VPS33A: variants seen among roughly 807,000 people sequenced by gnomAD.
VPS33A encodes the protein VPS33A core subunit of CORVET and HOPS complexes.
In VPS33A, 32 loss-of-function variants were observed where a neutral mutation model predicts 71.8. The observed-to-expected ratio is 0.45, with a 90% CI of 0.34 to 0.60. The LOEUF (loss-of-function observed/expected upper bound fraction) is 0.60. VPS33A is among the 20% of genes least tolerant of loss of function. The probability of loss-of-function intolerance (pLI) is 0.02; values close to 1 mark genes in which losing one functional copy is unlikely to be tolerated. For missense variants in VPS33A, 625 were observed against 748.5 expected (o/e 0.84, Z 1.92); for synonymous variants, 311 against 292.7 (o/e 1.06, Z -0.64).
At chr12:122,233,847 TG>T (rs1954596635) in intron 11 of VPS33A, among the ~76,000 whole-genome samples, 1 of 151,958 alleles carries the variant, frequency 6.6e-6, no homozygotes. Flanking sequence ...TGTTAAGTGG[TG>T]GGTGGGTCCA....
chr12:122,264,013 G>T, intron 2 of VPS33A, 121 bp downstream of exon 2: 1 of 853,908 alleles, frequency 1.2e-6, no homozygotes, highest in Non-Finnish European at 1.8e-6. Flanking sequence ...ACTAGTATTA[G>T]TGTTTATAAA....
At chr12:122,259,220 T>C (rs1377462330) in intron 4 of VPS33A, among the ~76,000 whole-genome samples, 1 of 151,430 alleles carries the variant, frequency 6.6e-6, no homozygotes, top group African/African-American at 2.4e-5. Flanking sequence ...TATGTATGTA[T>C]GTATGTATGT....
rs1351287000 is a variant in VPS33A, at chr12:122,229,909, A to C, written c.*2337T>G. 1 of 152,190 alleles carries C rather than the reference A, an allele frequency of 6.6e-6. No homozygotes were observed. Among genetic ancestry groups the C allele is most frequent in the African/African-American group, 2.4e-5 (1 of 41,454 alleles). 9.4% of individuals were successfully genotyped at this position (152,190 alleles called of 1,614,324 possible). On this transcript the variant is annotated 3_prime_UTR_variant, in exon 13 of 13. Coordinates refer to ENST00000267199, the MANE Select transcript of VPS33A (RefSeq NM_022916.6). ...AGTCTTGGGTGAGTGCAGACACATG[A>C]GACTACAACTGAGTATCTGTTCCCA...
Position 122,235,103 on chromosome 12 carries a change from C to T in VPS33A, c.1440+683G>A, listed in dbSNP as rs558819152. Among the ~76,000 whole-genome samples, 40 of 151,978 alleles carry T rather than the reference C, an allele frequency of 2.6e-4. 1 individual carries two copies. In the South Asian group the frequency reaches 4.2e-3, roughly 16 times the overall value. On this transcript the variant is annotated intron_variant, in intron 11 of 12. Coordinates refer to ENST00000267199, the MANE Select transcript of VPS33A (RefSeq NM_022916.6). Reference sequence around the variant, plus strand: ...CAGTGATCCTCTAACCACAGCCCCTCGGACTAAAGGCTCATACTACCACTG... The same window carrying T: ...CAGTGATCCTCTAACCACAGCCCCTTGGACTAAAGGCTCATACTACCACTG...
rs372208461 is a variant in VPS33A, at chr12:122,232,951, C to A, written c.1458G>T (p.Ser486=). ...DVNEQNPTDI[S]YVYSGYAPLS... ...GCGGGGCATACCCACTGTACACATA[C>A]GATATGTCCGTGGGGTTCTGTGAGA... The change falls in exon 12 of 13, where the codon TCG becomes TCT. Residue 486 remains serine (S), a synonymous_variant. Coordinates refer to ENST00000267199, the MANE Select transcript of VPS33A (RefSeq NM_022916.6). The A allele has an allele frequency of 1.1e-5, 18 of 1,609,306 alleles. No homozygotes were observed. The highest frequency in any genetic ancestry group is 1.5e-5 in the Non-Finnish European group (18 of 1,177,232).
In VPS33A at chr12:122,235,784, A is replaced by G. The variant is rs1234715616; in HGVS notation, c.1440+2T>C. The G allele has an allele frequency of 6.2e-7, 1 of 1,609,858 alleles. No homozygotes were observed. Among genetic ancestry groups the G allele is most frequent in the East Asian group, 2.2e-5 (1 of 44,668 alleles). On this transcript the variant is annotated splice_donor_variant, in intron 11 of 12. Transcript: ENST00000267199. LOFTEE classifies it high-confidence loss of function. Reference sequence around the variant, plus strand: ...GAGACGAGGTGGAGAAGTGTGGCTTACTTGCTCATTAACATCATCCATCCA... The same window carrying G: ...GAGACGAGGTGGAGAAGTGTGGCTTGCTTGCTCATTAACATCATCCATCCA...
chr12:122,240,189 A>G (rs1954694001), intron 8 of VPS33A, among the ~76,000 whole-genome samples: 1 of 151,846 alleles, frequency 6.6e-6, no homozygotes, highest in Non-Finnish European at 1.5e-5. Context: ...TTAGCTGGGT[A>G]TGGTGGCACA....
chr12:122,263,470 C>A, intron 3 of VPS33A, 102 bp downstream of exon 3: 1 of 1,398,482 alleles, frequency 7.2e-7, no homozygotes, highest in South Asian at 1.7e-5. Flanking sequence ...AAAAGACCAC[C>A]TTGCACTGGC....
Position 122,230,965 on chromosome 12 carries a change from G to T in VPS33A, c.*1281C>A, listed in dbSNP as rs990463448. On this transcript the variant is annotated 3_prime_UTR_variant, in exon 13 of 13. Transcript: ENST00000267199. ...GGCTGAGGTCACCAGAGAGGGGGCTGAAACAGTGTTTTCAGCTGAGTACGG... is the reference window on the plus strand; with the variant it reads ...GGCTGAGGTCACCAGAGAGGGGGCTTAAACAGTGTTTTCAGCTGAGTACGG... 2 of 152,256 alleles carry T rather than the reference G, an allele frequency of 1.3e-5. No individual in the cohort carries two copies. Among genetic ancestry groups the T allele is most frequent in the African/African-American group, 4.8e-5 (2 of 41,456 alleles). 9.4% of individuals were successfully genotyped at this position (152,256 alleles called of 1,614,324 possible). A position where few individuals can be genotyped will look rare whatever the true frequency, so the allele number is the denominator to read the frequency against.
At chr12:122,234,199 T>C (rs1052686813) in intron 11 of VPS33A, among the ~76,000 whole-genome samples, 30 of 152,204 alleles carry the variant, frequency 2.0e-4, no homozygotes, top group African/African-American at 7.2e-4. Context: ...CTGGCCACAG[T>C]GGCTGCCTCT....
At chr12:122,265,483 G>A (rs1406334085) in intron 1 of VPS33A, among the ~76,000 whole-genome samples, 1 of 152,140 alleles carries the variant, frequency 6.6e-6, no homozygotes, top group Non-Finnish European at 1.5e-5. Context: ...ACTTTGCTCA[G>A]TTTCCTCCAG....
At chr12:122,245,257 T>C (rs1220499632) in intron 6 of VPS33A, among the ~76,000 whole-genome samples, 1 of 152,246 alleles carries the variant, frequency 6.6e-6, no homozygotes, top group Middle Eastern at 3.4e-3. Context: ...GGTGGCTTCG[T>C]TTTATTTTTT....
rs189618604 is a variant in VPS33A, at chr12:122,257,556, C to T, written c.483+3705G>A. On this transcript the variant is annotated intron_variant, in intron 4 of 12. Transcript: ENST00000267199. Reference sequence around the variant, plus strand: ...GGCGTGGTGGTGTGTGCCTGTAATCCTAGTTACTTGGGAGGCTGAGGCAGG... The same window carrying T: ...GGCGTGGTGGTGTGTGCCTGTAATCTTAGTTACTTGGGAGGCTGAGGCAGG... Among the ~76,000 whole-genome samples the T allele has an allele frequency of 7.0e-3, 1,069 of 151,696 alleles. 8 individuals are homozygous for T. Among genetic ancestry groups the T allele is most frequent in the Non-Finnish European group, 0.011 (741 of 67,946 alleles).
chr12:122,251,829 T>C (rs991947355), intron 4 of VPS33A, among the ~76,000 whole-genome samples: 6 of 150,826 alleles, frequency 4.0e-5, no homozygotes, highest in Admixed American at 2.0e-4. Flanking sequence ...ATGTAAATGA[T>C]GAGTTAATGG....
In VPS33A at chr12:122,238,252, A is replaced by C. The variant is rs546228174; in HGVS notation, c.1302+335T>G. 5.3e-5 allele frequency among the ~76,000 whole-genome samples: 8 copies of C among 151,902 alleles called. No homozygotes were observed. The East Asian group carries it at 1.6e-3, about 29-fold the overall frequency. ...TTATTATTTTTTGAGACAGAGTCTCACTCTGTTGCCCAGGCTGGAGTGCAG... is the reference window on the plus strand; with the variant it reads ...TTATTATTTTTTGAGACAGAGTCTCCCTCTGTTGCCCAGGCTGGAGTGCAG... On this transcript the variant is annotated intron_variant, in intron 10 of 12. Coordinates refer to ENST00000267199, the MANE Select transcript of VPS33A (RefSeq NM_022916.6).
At chr12:122,257,736 A>T (rs1954939287) in intron 4 of VPS33A, among the ~76,000 whole-genome samples, 1 of 152,112 alleles carries the variant, frequency 6.6e-6, no homozygotes, top group African/African-American at 2.4e-5. Flanking sequence ...CAAAAAGCAC[A>T]ATCTAAAAGA....
At chr12:122,241,477 G>GT (rs1489315947) in intron 8 of VPS33A, among the ~76,000 whole-genome samples, 1 of 151,970 alleles carries the variant, frequency 6.6e-6, no homozygotes, top group Admixed American at 6.6e-5. Context: ...GCTAATTTTT[G>GT]TATTTTTAGT....
intron 10 of VPS33A, 37 bp downstream of exon 10, chr12:122,238,549 TC>T (rs1954660702): frequency 3.2e-6 from 5 of 1,587,168 alleles, no homozygotes; most frequent in Non-Finnish European, 4.3e-6. Flanking sequence ...AAAGATGCTG[TC>T]CCCCTTGGCA....
intron 1 of VPS33A, among the ~76,000 whole-genome samples, 173 bp downstream of exon 1, chr12:122,266,134 C>G (rs768183936): frequency 1.3e-5 from 2 of 150,490 alleles, no homozygotes; most frequent in Admixed American, 1.4e-4. Flanking sequence ...CGCCCAGGGC[C>G]CCCCCCTTCA....
Sources: allele counts gnomAD v4.1 joint callset (sites outside exome capture counted in the v4.1 genomes callset), GRCh38; gene constraint gnomAD v4.1.1; transcripts MANE v1.5; gene names NCBI Gene and HGNC (gene_info 2026-07-23, HGNC 2026-07-21).